The following HNRNPC variants were observed in gnomAD, a reference collection of about 807,000 sequenced individuals.
The protein encoded by HNRNPC is heterogeneous nuclear ribonucleoprotein C.
A neutral mutation model predicts 33.2 loss-of-function variants in HNRNPC; 3 were observed. That is an observed-to-expected ratio of 0.09 (90% CI 0.04 to 0.23). The LOEUF (loss-of-function observed/expected upper bound fraction) is 0.23. HNRNPC is among the 10% of genes least tolerant of loss of function. The pLI, the probability that HNRNPC is intolerant of heterozygous loss-of-function variation, is 1.00. For synonymous variants in HNRNPC, 121 were observed against 126.7 expected, an observed-to-expected ratio of 0.96 and a Z score of 0.30; for missense variants, 143 against 366.7, an observed-to-expected ratio of 0.39 and a Z score of 4.98.
chr14:21,238,076 C>A (rs1045216831), intron 2 of HNRNPC, among the ~76,000 whole-genome samples: 4 of 152,076 alleles, frequency 2.6e-5, no homozygotes, highest in Admixed American at 6.6e-5. Context: ...CGGCCCTGAT[C>A]CCATTTTCTT....
intron 2 of HNRNPC, among the ~76,000 whole-genome samples, chr14:21,241,056 G>A (rs1895278687): frequency 6.6e-6 from 1 of 152,038 alleles, no homozygotes; most frequent in African/African-American, 2.4e-5. Context: ...AGATCATGAG[G>A]TCACGAGTTC....
chr14:21,225,149 G>C lies in HNRNPC; in HGVS notation c.365+5170C>G, dbSNP rs573728260. ...AATAAGAATTAAAGAGGCCAGGAAC[G>C]ATGGCTCACATCTGTAATCCCAGCA... On this transcript the variant is annotated intron_variant, in intron 5 of 8. Coordinates refer to ENST00000553300, the MANE Select transcript of HNRNPC (RefSeq NM_004500.4). 3.3e-5 allele frequency among the ~76,000 whole-genome samples: 5 copies of C among 152,032 alleles called. No individual in the cohort carries two copies. The South Asian group carries it at 1.0e-3, about 32-fold the overall frequency.
intron 2 of HNRNPC, among the ~76,000 whole-genome samples, chr14:21,245,066 C>T (rs752020733): frequency 9.7e-6 from 1 of 103,522 alleles, no homozygotes; most frequent in Non-Finnish European, 1.8e-5. Context: ...GCCTGGGAGA[C>T]AGAGCGAGAC....
intron 5 of HNRNPC, among the ~76,000 whole-genome samples, chr14:21,219,497 A>G (rs1474492710): frequency 6.6e-6 from 1 of 152,222 alleles, no homozygotes; most frequent in Non-Finnish European, 1.5e-5. Context: ...CCGCTAATTC[A>G]AAAAGACGTT....
intron 5 of HNRNPC, among the ~76,000 whole-genome samples, chr14:21,223,691 G>A (rs1279218393): frequency 6.6e-6 from 1 of 151,996 alleles, no homozygotes; most frequent in Non-Finnish European, 1.5e-5. Flanking sequence ...AGAGGTTGCC[G>A]TGAGCAGTGA....
At chr14:21,250,391 C>T (rs546171347) in intron 2 of HNRNPC, among the ~76,000 whole-genome samples, 2 of 152,132 alleles carry the variant, frequency 1.3e-5, no homozygotes, top group African/African-American at 4.8e-5. Context: ...ATTCATTAGA[C>T]TGTTCTGTAT....
chr14:21,255,035 C>T (rs1471183596), intron 2 of HNRNPC, among the ~76,000 whole-genome samples: 1 of 152,140 alleles, frequency 6.6e-6, no homozygotes, highest in African/African-American at 2.4e-5. Flanking sequence ...CTTTTCTTCT[C>T]GCTCTGAAGC....
chr14:21,259,581 C>T (rs1028320362), intron 2 of HNRNPC, among the ~76,000 whole-genome samples: 1 of 152,078 alleles, frequency 6.6e-6, no homozygotes, highest in African/African-American at 2.4e-5. Flanking sequence ...AATATCTATC[C>T]CTATCCCAGA....
At chr14:21,244,031 GT>G (rs201972334) in intron 2 of HNRNPC, among the ~76,000 whole-genome samples, 4,298 of 146,274 alleles carry the variant, frequency 0.029, 168 homozygotes, top group African/African-American at 0.098. Context: ...TTTCCTCCAA[GT>G]TTTTTTTTTT....
At chr14:21,267,177 C>CAACAAAAAATTTGAATTAGA (rs1879165157) in intron 1 of HNRNPC, among the ~76,000 whole-genome samples, 1 of 147,716 alleles carries the variant, frequency 6.8e-6, no homozygotes, top group Non-Finnish European at 1.5e-5. Flanking sequence ...AGGCTTCTGG[C>CAACAAAAAATTTGAATTAGA]AACAAAAAAT....
chr14:21,251,364 T>C (rs1164717111), intron 2 of HNRNPC, among the ~76,000 whole-genome samples: 7 of 150,968 alleles, frequency 4.6e-5, no homozygotes, highest in African/African-American at 1.7e-4. Context: ...TAACAAAGTA[T>C]ACTTTAAGTC....
intron 2 of HNRNPC, among the ~76,000 whole-genome samples, chr14:21,249,574 GAA>G: frequency 1.1e-5 from 1 of 91,206 alleles, no homozygotes; most frequent in African/African-American, 4.7e-5. Flanking sequence ...CAACAAGAGC[GAA>G]AACTGTGTCT....
intron 2 of HNRNPC, among the ~76,000 whole-genome samples, chr14:21,249,754 A>G (rs1896420192): frequency 6.6e-6 from 1 of 152,162 alleles, no homozygotes; most frequent in African/African-American, 2.4e-5. Flanking sequence ...TGCCATCATT[A>G]AAGTGTTTCG....
At chr14:21,244,516 CAA>C (rs1169576119) in intron 2 of HNRNPC, among the ~76,000 whole-genome samples, 1 of 152,132 alleles carries the variant, frequency 6.6e-6, no homozygotes, top group African/African-American at 2.4e-5. Flanking sequence ...TTTGAATTGC[CAA>C]AGTCAGAGAA....
intron 1 of HNRNPC, among the ~76,000 whole-genome samples, chr14:21,266,598 G>A (rs994361393): frequency 4.0e-5 from 6 of 149,524 alleles, no homozygotes; most frequent in African/African-American, 1.5e-4. Context: ...AATACCTGTA[G>A]TTATGCTACA....
At chr14:21,261,091 T>A (rs1306077898) in intron 2 of HNRNPC, among the ~76,000 whole-genome samples, 2 of 152,078 alleles carry the variant, frequency 1.3e-5, no homozygotes, top group Non-Finnish European at 2.9e-5. Flanking sequence ...GCCTTCCAAT[T>A]AGTTGTGACT....
rs544860757 is a variant in HNRNPC at position 21,237,816 on chromosome 14, G to A, written c.-36-3587C>T. 2.0e-5 allele frequency among the ~76,000 whole-genome samples: 3 copies of A among 152,188 alleles called. No homozygotes were observed. In the East Asian group the frequency reaches 5.8e-4, roughly 29 times the overall value. ...GAGTTGGAGTTTCACTCGTTGCCAA[G>A]GATGGAGTGCAATGGAGCAATCTTG... On this transcript the variant is annotated intron_variant, in intron 2 of 8. Transcript: ENST00000553300.
Position 21,209,468 on chromosome 14 carries a change from T to C in HNRNPC, c.*1755A>G, listed in dbSNP as rs1277260391. The C allele has an allele frequency of 6.6e-6, 1 of 152,226 alleles. No homozygotes were observed. Among genetic ancestry groups the C allele is most frequent in the Non-Finnish European group, 1.5e-5 (1 of 68,036 alleles). The allele number at this position is 152,226 out of a possible 1,614,324, so 9.4% of individuals were successfully genotyped here. A position where few individuals can be genotyped will look rare whatever the true frequency, so the allele number is the denominator to read the frequency against. On this transcript the variant is annotated 3_prime_UTR_variant, in exon 9 of 9. Coordinates refer to ENST00000553300, the MANE Select transcript of HNRNPC (RefSeq NM_004500.4). ...GTTTATTTTCTAGTCACGGGTTACT[T>C]ACTAAAAGTCTGTGTAACATGAGCT...
chr14:21,265,887 C>T (rs1031527997), intron 1 of HNRNPC, among the ~76,000 whole-genome samples: 1 of 152,184 alleles, frequency 6.6e-6, no homozygotes, highest in African/African-American at 2.4e-5. Flanking sequence ...TCTAAAGGGG[C>T]ACCTCTCAGA....
Sources: gnomAD v4.1 joint callset for allele counts (sites outside exome capture counted in the v4.1 genomes callset) on GRCh38, gnomAD v4.1.1 for gene constraint, MANE v1.5 for transcripts, NCBI Gene and HGNC (gene_info 2026-07-23, HGNC 2026-07-21) for gene names.